UBE2G2: variants seen among roughly 807,000 people sequenced by gnomAD.
UBE2G2 encodes the protein ubiquitin-conjugating enzyme E2 G2.
A neutral mutation model predicts 23.0 loss-of-function variants in UBE2G2; 10 were observed. The observed-to-expected ratio is 0.43, with a 90% CI of 0.27 to 0.74. The LOEUF (loss-of-function observed/expected upper bound fraction) is 0.74, where lower values mean the gene tolerates loss of function less well. UBE2G2 is among the 30% of genes least tolerant of loss of function. The pLI is 0.19. For missense variants in UBE2G2, 150 were observed against 218.3 expected (o/e 0.69, Z 1.97); for synonymous variants, 86 against 81.3 (o/e 1.06, Z -0.31).
rs1555960712 is a variant in UBE2G2 at position 44,777,328 on chromosome 21, C to T, written c.215G>A (p.Arg72Lys). 6.2e-7 allele frequency: 1 copy of T among 1,614,072 alleles called. No homozygotes were observed. Reference sequence around the variant, plus strand: ...GGGATGAAACATCTCACAGGTAAATCTCATCTTTGGGGGACTTAACGGGTA... The same window carrying T: ...GGGATGAAACATCTCACAGGTAAATTTCATCTTTGGGGGACTTAACGGGTA... Reference protein sequence around the residue: ...LDYPLSPPKMRFTCEMFHPNI... With the variant: ...LDYPLSPPKMKFTCEMFHPNI... Residue 72 changes from arginine to lysine, a missense_variant, in exon 4 of 6, where the codon AGA (arginine) becomes AAA (lysine). Transcript: ENST00000345496.
At chr21:44,773,737 A>C (rs2082891767) in intron 4 of UBE2G2, 50 bp from the exon 5 acceptor site, 1 of 1,593,098 alleles carries the variant, frequency 6.3e-7, no homozygotes, top group African/African-American at 1.3e-5. Flanking sequence ...TGCCCGAGGC[A>C]TCGCCGCGCT....
chr21:44,799,684 C>T (rs938681718), intron 1 of UBE2G2, among the ~76,000 whole-genome samples: 1 of 152,244 alleles, frequency 6.6e-6, no homozygotes, highest in African/African-American at 2.4e-5. Context: ...TCCATATCAG[C>T]AGTAAGGCTT....
At chr21:44,773,858 G>GCCCCACCGGGATTCCTGC in intron 4 of UBE2G2, 171 bp from the exon 5 acceptor site, 1 of 890,770 alleles carries the variant, frequency 1.1e-6, no homozygotes, top group Non-Finnish European at 1.6e-6. Context: ...ATGTCTGCAG[G>GCCCCACCGGGATTCCTGC]AATCCCGGTG....
At chr21:44,796,134 A>G (rs2083086828) in intron 1 of UBE2G2, among the ~76,000 whole-genome samples, 1 of 152,256 alleles carries the variant, frequency 6.6e-6, no homozygotes, top group Non-Finnish European at 1.5e-5. Context: ...ACCTGGGTCT[A>G]TCTCTGACAC....
chr21:44,777,415 C>A lies in UBE2G2; in HGVS notation c.128G>T (p.Gly43Val). ...AAACTCAAAGCAGGTGTCTTCTGGG[C>A]CCCTAGAAGATATAAAATACGTAGA... ...NFFEWEALIM[G>V]PEDTCFEFGV... Residue 43 changes from glycine to valine, a missense_variant and splice_region_variant, in exon 4 of 6, where the codon GGC (glycine) becomes GTC (valine). Physicochemically the swap from Gly to Val is moderately radical, Grantham distance 109. Transcript: ENST00000345496. The A allele has an allele frequency of 6.2e-7, 1 of 1,613,666 alleles. No individual in the cohort carries two copies. The highest frequency in any genetic ancestry group is 8.5e-7 in the Non-Finnish European group (1 of 1,179,712).
chr21:44,780,840 C>A (rs2082950548), intron 3 of UBE2G2, among the ~76,000 whole-genome samples: 1 of 152,224 alleles, frequency 6.6e-6, no homozygotes, highest in Non-Finnish European at 1.5e-5. Flanking sequence ...TTTCCACACT[C>A]AACTCAAGGG....
intron 3 of UBE2G2, among the ~76,000 whole-genome samples, chr21:44,779,436 A>C (rs1555961035): frequency 6.6e-6 from 1 of 151,572 alleles, no homozygotes; most frequent in African/African-American, 2.4e-5. Flanking sequence ...AACGCCACCG[A>C]GGGAGGCACG....
intron 3 of UBE2G2, among the ~76,000 whole-genome samples, chr21:44,783,780 T>C (rs896681964): frequency 6.6e-6 from 1 of 152,240 alleles, no homozygotes; most frequent in Non-Finnish European, 1.5e-5. Context: ...TGGTGATGAC[T>C]ACAAAACTCT....
intron 3 of UBE2G2, among the ~76,000 whole-genome samples, chr21:44,783,282 G>A (rs545990919): frequency 2.0e-5 from 3 of 152,364 alleles, no homozygotes; most frequent in East Asian, 1.9e-4. Context: ...TGTGGAAGTG[G>A]AGAAACTGGA....
At position 44,772,079 on chromosome 21, in the gene UBE2G2, G is replaced by A. The variant is rs576537252; in HGVS notation, c.386-590C>T. ...ACGGAGGGAGTAGCCAGGGCCTGCCGGAAGGCAGAACGGAGAGAGACCACC... is the reference window on the plus strand; with the variant it reads ...ACGGAGGGAGTAGCCAGGGCCTGCCAGAAGGCAGAACGGAGAGAGACCACC... On this transcript the variant is annotated intron_variant, in intron 5 of 5. Transcript: ENST00000345496. This position sits in a 1 kb window ranked among gnomAD's most constrained non-coding sequence, Gnocchi z 5.4. Among the ~76,000 whole-genome samples, 67 of 152,330 alleles carry A rather than the reference G, an allele frequency of 4.4e-4. No individual in the cohort carries two copies. Among genetic ancestry groups the A allele is most frequent in the African/African-American group, 1.4e-3 (58 of 41,568 alleles).
intron 4 of UBE2G2, chr21:44,774,323 T>C (rs1329467093): frequency 3.8e-5 from 6 of 156,452 alleles, no homozygotes; most frequent in African/African-American, 1.4e-4. Context: ...TAAAGAGAAA[T>C]AAATTTTCAA....
At position 44,801,729 on chromosome 21, in the gene UBE2G2, T is replaced by C; in HGVS notation, c.20A>G (p.Lys7Arg). 1.3e-6 allele frequency: 2 copies of C among 1,521,862 alleles called. No homozygotes were observed. The highest frequency in any genetic ancestry group is 1.2e-5 in the South Asian group (1 of 80,966). The allele number at this position is 1,521,862 out of a possible 1,614,324, so 94.3% of individuals were successfully genotyped here. A position where few individuals can be genotyped will look rare whatever the true frequency, so the allele number is the denominator to read the frequency against. The change falls in exon 1 of 6, where the codon AAG becomes AGG. Residue 7 changes from lysine (K) to arginine (R), a missense_variant. Physicochemically the swap from Lys to Arg is conservative, Grantham distance 26. Transcript: ENST00000345496. MAGTAL[K>R]RLMAEYKQLT... ...ACGTTTGTACTCGGCCATCAGCCTC[T>C]TGAGCGCGGTCCCCGCCATGGCCCC... is the stretch of plus-strand genomic sequence containing the variant.
chr21:44,797,455 G>A (rs1028217204), intron 1 of UBE2G2, among the ~76,000 whole-genome samples: 1 of 152,148 alleles, frequency 6.6e-6, no homozygotes, highest in African/African-American at 2.4e-5. Context: ...GGTGGCTCAC[G>A]CCTGTAATCC....
At chr21:44,783,912 TGG>T (rs2075100203) in intron 3 of UBE2G2, among the ~76,000 whole-genome samples, 1 of 152,212 alleles carries the variant, frequency 6.6e-6, no homozygotes, top group Non-Finnish European at 1.5e-5. Context: ...CCCAGCACTT[TGG>T]GAGGCTGAGG....
rs1343884401 is a variant in UBE2G2, at chr21:44,771,321, C to CG, written c.*55dup. The CG allele has an allele frequency of 5.4e-5, 82 of 1,513,512 alleles. No homozygotes were observed. The East Asian group carries it at 1.5e-3, about 28-fold the overall frequency. 93.8% of individuals were successfully genotyped at this position (1,513,512 alleles called of 1,614,324 possible). ...AGAGCATCACTGTCACTAAGTGTGC[C>CG]GGGGGAGAATGCTGAGCTGCTTGGC... is the stretch of plus-strand genomic sequence containing the variant. On this transcript the variant is annotated 3_prime_UTR_variant, in exon 6 of 6. Transcript: ENST00000345496. The surrounding 1 kb of genome is among the most constrained non-coding windows in gnomAD (Gnocchi z 4.6).
chr21:44,785,366 TA>T (rs2082988062), intron 3 of UBE2G2, among the ~76,000 whole-genome samples: 1 of 152,236 alleles, frequency 6.6e-6, no homozygotes, highest in African/African-American at 2.4e-5. Context: ...TCTCATTCAC[TA>T]ATCTGTTCTA....
chr21:44,796,051 AG>A (rs1347815204), intron 1 of UBE2G2, among the ~76,000 whole-genome samples: 1 of 152,218 alleles, frequency 6.6e-6, no homozygotes, highest in Admixed American at 6.5e-5. Context: ...CCTTTATTTT[AG>A]ATGTCTGGCC....
intron 5 of UBE2G2, among the ~76,000 whole-genome samples, chr21:44,773,217 G>T (rs2082887457): frequency 6.6e-6 from 1 of 152,204 alleles, no homozygotes; most frequent in African/African-American, 2.4e-5. Context: ...GGAACAAAGA[G>T]TTGGGGTCTT....
Position 44,801,724 on chromosome 21 carries a change from G to T in UBE2G2, c.25C>A (p.Leu9Met). Residue 9 changes from leucine to methionine, a missense_variant, in exon 1 of 6, where the codon CTG (leucine) becomes ATG (methionine). Leu to Met is a conservative substitution (Grantham distance 15, BLOSUM62 2). Transcript: ENST00000345496. ...GACTCACGTTTGTACTCGGCCATCA[G>T]CCTCTTGAGCGCGGTCCCCGCCATG... is the stretch of plus-strand genomic sequence containing the variant. MAGTALKR[L>M]MAEYKQLTLN... 1 of 1,522,378 alleles carries T rather than the reference G, an allele frequency of 6.6e-7. No homozygotes were observed. Among genetic ancestry groups the T allele is most frequent in the East Asian group, 2.7e-5 (1 of 36,636 alleles). 94.3% of individuals were successfully genotyped at this position (1,522,378 alleles called of 1,614,324 possible). A position where few individuals can be genotyped will look rare whatever the true frequency, so the allele number is the denominator to read the frequency against.
Sources: allele counts gnomAD v4.1 joint callset (sites outside exome capture counted in the v4.1 genomes callset), GRCh38; gene constraint gnomAD v4.1.1; non-coding constraint Gnocchi (gnomAD v3.1); transcripts MANE v1.5; gene names NCBI Gene and HGNC (gene_info 2026-07-23, HGNC 2026-07-21).